The following PLEKHA7 variants were observed in gnomAD, a reference collection of about 807,000 sequenced individuals.
The protein encoded by PLEKHA7 is pleckstrin homology domain-containing family A member 7.
In PLEKHA7, 104 loss-of-function variants were observed where a neutral mutation model predicts 170.0. The observed-to-expected ratio is 0.61, with a 90% confidence interval of 0.52 to 0.72. PLEKHA7 has a LOEUF of 0.72. PLEKHA7 is among the 30% of genes least tolerant of loss of function. PLEKHA7 has a pLI of 0.00. For synonymous variants in PLEKHA7, 648 were observed against 660.8 expected, an observed-to-expected ratio of 0.98 and a Z score of 0.30; for missense variants, 1,615 against 1,671.7, an observed-to-expected ratio of 0.97 and a Z score of 0.59.
chr11:16,836,987 C>A (rs1006155207), intron 9 of PLEKHA7, among the ~76,000 whole-genome samples: 148 of 152,156 alleles, frequency 9.7e-4, no homozygotes, highest in African/African-American at 3.4e-3. Context: ...CCAAGCCCAG[C>A]TAATTTTTGT....
chr11:16,900,795 A>G (rs1400703649), intron 3 of PLEKHA7, among the ~76,000 whole-genome samples: 2 of 152,068 alleles, frequency 1.3e-5, no homozygotes, highest in Non-Finnish European at 2.9e-5. Context: ...TTTTTCTAGG[A>G]CAGAAAATCT....
Position 16,807,827 on chromosome 11 carries a change from G to A in PLEKHA7, c.2008-4532C>T, listed in dbSNP as rs116418446. On this transcript the variant is annotated intron_variant, in intron 13 of 26. Coordinates refer to ENST00000531066, the MANE Select transcript of PLEKHA7 (RefSeq NM_001329630.2). ...CACTGGGGGAGCTTTAAAAAGTACC[G>A]ATGCCTGAGTTCCACCCCAAGTGAT... 6.3e-3 allele frequency among the ~76,000 whole-genome samples: 960 copies of A among 152,276 alleles called. 8 individuals are homozygous for A. Among genetic ancestry groups the A allele is most frequent in the African/African-American group, 0.022 (914 of 41,548 alleles).
intron 3 of PLEKHA7, among the ~76,000 whole-genome samples, chr11:16,880,381 C>T (rs527965073): frequency 2.0e-5 from 3 of 152,302 alleles, no homozygotes; most frequent in South Asian, 2.1e-4. Flanking sequence ...AGATTAATTC[C>T]GACTCTGCAT....
intron 3 of PLEKHA7, among the ~76,000 whole-genome samples, chr11:16,958,901 T>C (rs939411392): frequency 1.4e-4 from 21 of 152,082 alleles, no homozygotes; most frequent in Non-Finnish European, 2.6e-4. Flanking sequence ...GCAGTACCCA[T>C]TGGAAAAACA....
rs1177986525 is a variant in PLEKHA7 at position 17,002,639 on chromosome 11, G to C, written c.221+11350C>G. On this transcript the variant is annotated intron_variant, in intron 3 of 26. Transcript: ENST00000531066. ...CAAAATATCTGCCTCTACAACAAAT[G>C]CATTTTTCAACTAGAAAGCACCACG... 2.0e-5 allele frequency among the ~76,000 whole-genome samples: 3 copies of C among 152,258 alleles called. No homozygotes were observed. The East Asian group carries it at 5.8e-4, about 29-fold the overall frequency.
At chr11:16,877,705 A>G (rs1332230883) in intron 3 of PLEKHA7, among the ~76,000 whole-genome samples, 1 of 152,222 alleles carries the variant, frequency 6.6e-6, no homozygotes, top group Admixed American at 6.5e-5. Context: ...GAAGATATCA[A>G]CATAACACTA....
chr11:16,908,639 G>T (rs891488731), intron 3 of PLEKHA7, among the ~76,000 whole-genome samples: 2 of 152,260 alleles, frequency 1.3e-5, no homozygotes, highest in Admixed American at 6.5e-5. Context: ...GGGATTACAG[G>T]CATGTGCCAC....
chr11:16,965,154 CA>C (rs144198354), intron 3 of PLEKHA7, among the ~76,000 whole-genome samples: 15 of 150,420 alleles, frequency 1.0e-4, no homozygotes, highest in South Asian at 2.1e-4. Context: ...ACAAAATATA[CA>C]AAAAAAAACC....
intron 3 of PLEKHA7, among the ~76,000 whole-genome samples, chr11:16,936,107 A>G (rs546160607): frequency 6.6e-6 from 1 of 152,232 alleles, no homozygotes; most frequent in East Asian, 1.9e-4. Context: ...CCCCTTTTGA[A>G]AAATCAGGTC....
chr11:17,013,856 T>C, intron 3 of PLEKHA7, 133 bp downstream of exon 3: 1 of 1,081,956 alleles, frequency 9.2e-7, no homozygotes, highest in Non-Finnish European at 1.2e-6. Context: ...AAACGTTGAG[T>C]GTGGCCGCGG....
Position 16,789,408 on chromosome 11 carries a change from C to T in PLEKHA7, c.3157-112G>A. 1 of 1,009,250 alleles carries T rather than the reference C, an allele frequency of 9.9e-7. No homozygotes were observed. Among genetic ancestry groups the T allele is most frequent in the Non-Finnish European group, 1.5e-6 (1 of 667,426 alleles). 62.5% of individuals were successfully genotyped at this position (1,009,250 alleles called of 1,614,324 possible). The stretch of plus-strand genomic sequence containing the variant: ...TGTCTCTCTCTCACACACATGCACA[C>T]TCTAGTTGGGCTCCTCTTGGCCTTA... On this transcript the variant is annotated intron_variant, in intron 22 of 26. Transcript: ENST00000531066. The surrounding 1 kb of genome is among the most constrained non-coding windows in gnomAD (Gnocchi z 4.6).
At chr11:17,004,142 T>C (rs1048171499) in intron 3 of PLEKHA7, among the ~76,000 whole-genome samples, 22 of 152,230 alleles carry the variant, frequency 1.4e-4, no homozygotes, top group African/African-American at 5.3e-4. Flanking sequence ...AAGGATTACA[T>C]AATAAATTAA....
chr11:16,946,945 C>T (rs1861067908), intron 3 of PLEKHA7, among the ~76,000 whole-genome samples: 1 of 152,186 alleles, frequency 6.6e-6, no homozygotes, highest in Non-Finnish European at 1.5e-5. Flanking sequence ...TTGCAGGCCC[C>T]TAATCCCCAG....
intron 3 of PLEKHA7, among the ~76,000 whole-genome samples, chr11:16,979,266 G>A (rs1008543858): frequency 3.3e-5 from 5 of 152,094 alleles, no homozygotes; most frequent in East Asian, 1.9e-4. Flanking sequence ...CTAACCTCAC[G>A]ACCCACCTGC....
At chr11:16,946,445 AG>A (rs1477331933) in intron 3 of PLEKHA7, among the ~76,000 whole-genome samples, 1 of 151,896 alleles carries the variant, frequency 6.6e-6, no homozygotes. Flanking sequence ...AGTGGAGGGG[AG>A]GGGGGGACTT....
At chr11:16,907,297 G>A (rs1350265576) in intron 3 of PLEKHA7, among the ~76,000 whole-genome samples, 5 of 145,090 alleles carry the variant, frequency 3.4e-5, no homozygotes, top group South Asian at 2.2e-4. Context: ...CGCCCCATCC[G>A]GGAGGTGAGG....
intron 4 of PLEKHA7, among the ~76,000 whole-genome samples, chr11:16,862,279 G>A (rs1310635585): frequency 6.6e-6 from 1 of 152,048 alleles, no homozygotes; most frequent in Non-Finnish European, 1.5e-5. Context: ...ACTGTGTGCC[G>A]CCATCCCCAC....
At chr11:16,942,882 C>A (rs1162495700) in intron 3 of PLEKHA7, among the ~76,000 whole-genome samples, 2 of 152,182 alleles carry the variant, frequency 1.3e-5, no homozygotes, top group East Asian at 3.8e-4. Flanking sequence ...CTGCTGAATG[C>A]CCTTTAGATT....
chr11:16,779,519 C>G (rs2134095000), intron 26 of PLEKHA7, among the ~76,000 whole-genome samples: 1 of 152,342 alleles, frequency 6.6e-6, no homozygotes, highest in African/African-American at 2.4e-5. Context: ...TGACTGAGCG[C>G]TGTTACTGTG....
Sources: gnomAD v4.1 joint callset for allele counts (sites outside exome capture counted in the v4.1 genomes callset) on GRCh38, gnomAD v4.1.1 for gene constraint, Gnocchi (gnomAD v3.1) non-coding constraint, MANE v1.5 for transcripts, NCBI Gene and HGNC (gene_info 2026-07-23, HGNC 2026-07-21) for gene names.